Variants in ANXA2 observed in about 807,000 individuals in gnomAD.
The protein encoded by ANXA2 is annexin A2.
Under a neutral mutation model 47.3 loss-of-function variants are expected in ANXA2, and 28 were observed. The observed-to-expected ratio is 0.59, with a 90% CI of 0.44 to 0.81. The LOEUF is 0.81. ANXA2 is among the 40% of genes least tolerant of loss of function. The probability of loss-of-function intolerance (pLI) is 0.00; values close to 1 mark genes in which losing one functional copy is unlikely to be tolerated. For synonymous variants in ANXA2, 172 were observed against 155.5 expected (o/e 1.11, Z -0.79); for missense variants, 384 against 414.3 (o/e 0.93, Z 0.64).
intron 10 of ANXA2, 116 bp downstream of exon 10, chr15:60,351,608 C>T (rs1896014910): frequency 1.4e-6 from 1 of 735,186 alleles, no homozygotes; most frequent in East Asian, 2.4e-5. Flanking sequence ...GTAAAACTAT[C>T]CAAAGCATGC....
chr15:60,377,078 A>G (rs987620141), intron 3 of ANXA2, among the ~76,000 whole-genome samples: 1 of 152,258 alleles, frequency 6.6e-6, no homozygotes, highest in Admixed American at 6.5e-5. Flanking sequence ...TTTGATGTCA[A>G]GGAAACACCA....
At chr15:60,386,960 G>C (rs1023070823) in intron 1 of ANXA2, 1 of 152,220 alleles carries the variant, frequency 6.6e-6, no homozygotes, top group Admixed American at 6.5e-5. Context: ...CATTTAAATT[G>C]CAGTGACTCC....
intron 3 of ANXA2, 54 bp downstream of exon 3, chr15:60,382,288 A>G: frequency 7.1e-7 from 1 of 1,410,990 alleles, no homozygotes; most frequent in Non-Finnish European, 1.0e-6. Context: ...TAAAGAGACA[A>G]CCAAAAATGT....
At chr15:60,374,774 C>G (rs1249408396) in intron 3 of ANXA2, 2 of 446,908 alleles carry the variant, frequency 4.5e-6, no homozygotes, top group African/African-American at 4.1e-5. Flanking sequence ...CCTCTTTGTT[C>G]CCAGCACTGC....
chr15:60,382,308 A>G, intron 3 of ANXA2, 34 bp downstream of exon 3: 7 of 1,535,612 alleles, frequency 4.6e-6, no homozygotes, highest in Non-Finnish European at 5.4e-6. Flanking sequence ...TCTCAGTAAG[A>G]CCCTGACAAG....
chr15:60,366,204 A>T (rs1009073886), intron 3 of ANXA2, among the ~76,000 whole-genome samples: 5 of 142,004 alleles, frequency 3.5e-5, no homozygotes, highest in African/African-American at 1.3e-4. Context: ...CGCTACAACC[A>T]CCTCCCAGCC....
chr15:60,348,139 G>C lies in ANXA2; in HGVS notation c.961-450C>G, dbSNP rs73435133. ...TGGTGAGGTGAGGAACAATTACTAA[G>C]AGTCTAACTGGTCCTTTGACTTTAA... On this transcript the variant is annotated intron_variant, in intron 12 of 12. Coordinates refer to ENST00000451270, the MANE Select transcript of ANXA2 (RefSeq NM_004039.3). Among the ~76,000 whole-genome samples, 468 of 152,332 alleles carry C rather than the reference G, an allele frequency of 3.1e-3. 3 individuals carry two copies. Among genetic ancestry groups the C allele is most frequent in the African/African-American group, 0.011 (459 of 41,576 alleles).
At chr15:60,391,013 G>T (rs963297712) in intron 1 of ANXA2, 1 of 152,488 alleles carries the variant, frequency 6.6e-6, no homozygotes, top group Non-Finnish European at 1.5e-5. Flanking sequence ...ATTAATCAAC[G>T]AACCCATACC....
chr15:60,382,491 T>A, intron 2 of ANXA2, 50 bp from the exon 3 acceptor site: 1 of 1,329,066 alleles, frequency 7.5e-7, no homozygotes, highest in South Asian at 1.2e-5. Context: ...TAAAATCCTC[T>A]TGTTGAAATA....
chr15:60,351,069 G>A, intron 11 of ANXA2, 124 bp downstream of exon 11: 1 of 876,672 alleles, frequency 1.1e-6, no homozygotes, highest in Admixed American at 2.0e-5. Flanking sequence ...GCTGACTAGT[G>A]TGTTCCTGCA....
In ANXA2 at chr15:60,382,401, T is replaced by C. The variant is rs747064927; in HGVS notation, c.89A>G (p.Tyr30Cys). The C allele has an allele frequency of 6.2e-6, 10 of 1,613,868 alleles. No individual in the cohort carries two copies. Among genetic ancestry groups the C allele is most frequent in the Middle Eastern group, 1.6e-4 (1 of 6,078 alleles). ...ATCCCGCTCAGCATCAAAGTTAGTATAGGCTTTGACAGACCCATATGCACT... is the reference window on the plus strand; with the variant it reads ...ATCCCGCTCAGCATCAAAGTTAGTACAGGCTTTGACAGACCCATATGCACT... ...PPSAYGSVKA[Y>C]TNFDAERDAL... Residue 30 changes from tyrosine to cysteine, a missense_variant, in exon 3 of 13, where the codon TAT becomes TGT. Transcript: ENST00000451270.
intron 3 of ANXA2, among the ~76,000 whole-genome samples, chr15:60,372,111 T>G (rs1412669507): frequency 3.9e-5 from 6 of 152,294 alleles, no homozygotes; most frequent in Non-Finnish European, 1.5e-5. Context: ...ATTGAGCCAT[T>G]GCACTCCAGC....
At chr15:60,383,771 G>C (rs2062896961) in intron 2 of ANXA2, 1 of 148,042 alleles carries the variant, frequency 6.8e-6, no homozygotes, top group South Asian at 2.2e-4. Flanking sequence ...CCTTGGCGCA[G>C]TTTCTGTGAA....
At chr15:60,355,329 A>C (rs1194783218) in intron 7 of ANXA2, 1 of 165,502 alleles carries the variant, frequency 6.0e-6, no homozygotes. Flanking sequence ...TGGAGATGTG[A>C]GTGGGCCGGA....
intron 3 of ANXA2, among the ~76,000 whole-genome samples, chr15:60,370,166 A>G (rs1446915620): frequency 6.6e-6 from 1 of 152,260 alleles, no homozygotes; most frequent in Non-Finnish European, 1.5e-5. Context: ...GCTGAGATGC[A>G]GTATCTAACA....
At position 60,382,471 on chromosome 15, in the gene ANXA2, G is replaced by A. The variant is rs755748356; in HGVS notation, c.49-30C>T. The A allele has an allele frequency of 2.7e-6, 4 of 1,467,956 alleles. 1 individual carries two copies. Among genetic ancestry groups the A allele is most frequent in the Middle Eastern group, 1.7e-4 (1 of 5,766 alleles). The allele number at this position is 1,467,956 out of a possible 1,614,324, so 90.9% of individuals were successfully genotyped here. A position where few individuals can be genotyped will look rare whatever the true frequency, so the allele number is the denominator to read the frequency against. On this transcript the variant is annotated intron_variant, in intron 2 of 12. Coordinates refer to ENST00000451270, the MANE Select transcript of ANXA2 (RefSeq NM_004039.3). ...GGTTAAAAGATAAACATACTCAAATGACACACATTTAAAATCCTCTTGTTG... is the reference window on the plus strand; with the variant it reads ...GGTTAAAAGATAAACATACTCAAATAACACACATTTAAAATCCTCTTGTTG...
chr15:60,365,924 A>G (rs1166182725), intron 3 of ANXA2, among the ~76,000 whole-genome samples: 3 of 130,698 alleles, frequency 2.3e-5, no homozygotes, highest in Non-Finnish European at 4.8e-5. Flanking sequence ...TACTGCTGCC[A>G]TCTCGGCTCA....
intron 3 of ANXA2, among the ~76,000 whole-genome samples, chr15:60,366,813 G>GA (rs2062620206): frequency 7.7e-6 from 1 of 129,608 alleles, no homozygotes; most frequent in Non-Finnish European, 1.7e-5. Flanking sequence ...GGGGGGGGGG[G>GA]GGGTCGGCCA....
At chr15:60,367,580 G>A (rs1380589387) in intron 3 of ANXA2, among the ~76,000 whole-genome samples, 1 of 58,392 alleles carries the variant, frequency 1.7e-5, no homozygotes, top group Non-Finnish European at 3.2e-5. Flanking sequence ...ACAGCCCCCC[G>A]CCCGGCCAGC....
Sources: gnomAD v4.1 joint callset for allele counts (sites outside exome capture counted in the v4.1 genomes callset) on GRCh38, gnomAD v4.1.1 for gene constraint, MANE v1.5 for transcripts, NCBI Gene and HGNC (gene_info 2026-07-23, HGNC 2026-07-21) for gene names.